BBS9: variants seen among roughly 807,000 people sequenced by gnomAD.
BBS9 encodes the protein protein PTHB1.
In BBS9, 89 loss-of-function variants were observed where a neutral mutation model predicts 117.7. The ratio of observed to expected loss-of-function variants is 0.76; its 90% CI spans 0.64 to 0.90. BBS9 has a LOEUF of 0.90. Ranked by LOEUF, BBS9 falls within the 40% of genes least tolerant of loss-of-function variation. BBS9 has a pLI of 0.00. For missense variants in BBS9, 982 were observed against 1,042.2 expected, an observed-to-expected ratio of 0.94 and a Z score of 0.80; for synonymous variants, 379 against 370.9, an observed-to-expected ratio of 1.02 and a Z score of -0.25.
At chr7:33,527,248 G>A (rs1375345754) in intron 20 of BBS9, among the ~76,000 whole-genome samples, 1 of 152,226 alleles carries the variant, frequency 6.6e-6, no homozygotes, top group Middle Eastern at 3.2e-3. Context: ...GAAGCAGGCA[G>A]GCCTCCTTGA....
chr7:33,156,071 G>A (rs2128115979), intron 4 of BBS9, among the ~76,000 whole-genome samples: 1 of 152,146 alleles, frequency 6.6e-6, no homozygotes, highest in Non-Finnish European at 1.5e-5. Flanking sequence ...AAGTCATAGT[G>A]GTTTGAAGTA....
intron 20 of BBS9, among the ~76,000 whole-genome samples, chr7:33,522,158 T>C (rs1400383164): frequency 6.6e-6 from 1 of 152,134 alleles, no homozygotes; most frequent in Non-Finnish European, 1.5e-5. Flanking sequence ...GTTGGACATT[T>C]GGGTTGGTTC....
intron 21 of BBS9, among the ~76,000 whole-genome samples, chr7:33,628,036 T>A (rs998961556): frequency 1.1e-4 from 17 of 152,114 alleles, no homozygotes; most frequent in Non-Finnish European, 2.1e-4. Context: ...AAAATTAAAC[T>A]TGTAATTTAA....
At chr7:33,384,013 A>G (rs374544271) in intron 18 of BBS9, among the ~76,000 whole-genome samples, 175 bp downstream of exon 18, 62 of 152,198 alleles carry the variant, frequency 4.1e-4, no homozygotes, top group Middle Eastern at 3.2e-3. Flanking sequence ...TTTGTGATCA[A>G]TTACAGACAT....
intron 21 of BBS9, among the ~76,000 whole-genome samples, chr7:33,566,298 A>AC (rs1554540053): frequency 2.0e-5 from 3 of 151,796 alleles, no homozygotes; most frequent in Non-Finnish European, 2.9e-5. Flanking sequence ...TTTGAAAGAT[A>AC]TGCATGTAAT....
intron 19 of BBS9, among the ~76,000 whole-genome samples, chr7:33,480,112 A>C (rs539574559): frequency 6.6e-6 from 1 of 152,314 alleles, no homozygotes; most frequent in African/African-American, 2.4e-5. Context: ...AGCAATGCTC[A>C]GTAAGGAGGA....
At chr7:33,384,862 G>A (rs1563098021) in intron 18 of BBS9, among the ~76,000 whole-genome samples, 2 of 151,986 alleles carry the variant, frequency 1.3e-5, no homozygotes, top group South Asian at 4.1e-4. Context: ...GTATACAATC[G>A]AATTATGAAT....
At chr7:33,309,859 T>G (rs999510536) in intron 9 of BBS9, among the ~76,000 whole-genome samples, 1 of 151,924 alleles carries the variant, frequency 6.6e-6, no homozygotes, top group African/African-American at 2.4e-5. Flanking sequence ...TCTCAGGGAG[T>G]TAGTGGAGCA....
chr7:33,511,364 A>G (rs2129025890), intron 20 of BBS9, among the ~76,000 whole-genome samples: 1 of 152,244 alleles, frequency 6.6e-6, no homozygotes, highest in Non-Finnish European at 1.5e-5. Context: ...CTGTTCTAAT[A>G]TTCATTTATG....
At chr7:33,506,519 G>A (rs1846175749) in intron 20 of BBS9, among the ~76,000 whole-genome samples, 1 of 152,136 alleles carries the variant, frequency 6.6e-6, no homozygotes, top group African/African-American at 2.4e-5. Context: ...TTAAACATGG[G>A]CCAGTGAGGT....
At chr7:33,264,248 A>T in intron 6 of BBS9, 42 bp from the exon 7 acceptor site, 1 of 1,039,142 alleles carries the variant, frequency 9.6e-7, no homozygotes, top group Non-Finnish European at 1.3e-6. Flanking sequence ...ATAATTTTTA[A>T]TTATAAACTC....
At chr7:33,522,960 A>C (rs1398331630) in intron 20 of BBS9, among the ~76,000 whole-genome samples, 12,000 of 93,508 alleles carry the variant, frequency 0.13, 35 homozygotes, top group African/African-American at 0.19. Context: ...TCAGCTTTCT[A>C]CATATGGCTA....
At chr7:33,542,504 C>G (rs1389498857) in intron 21 of BBS9, among the ~76,000 whole-genome samples, 1 of 152,062 alleles carries the variant, frequency 6.6e-6, no homozygotes, top group Admixed American at 6.6e-5. Flanking sequence ...CCTCAAGTCC[C>G]CAGAGTCCAT....
chr7:33,273,245 A>G, intron 8 of BBS9, 50 bp downstream of exon 8: 1 of 1,585,132 alleles, frequency 6.3e-7, no homozygotes, highest in South Asian at 1.1e-5. Flanking sequence ...AGGCTATGTG[A>G]TATACACCAG....
At chr7:33,415,315 A>G (rs1375799933) in intron 19 of BBS9, among the ~76,000 whole-genome samples, 1 of 152,196 alleles carries the variant, frequency 6.6e-6, no homozygotes, top group African/African-American at 2.4e-5. Flanking sequence ...AGTTTTCCCC[A>G]TATTCCTTGA....
At chr7:33,350,807 A>G (rs1224627371) in intron 13 of BBS9, among the ~76,000 whole-genome samples, 1 of 152,030 alleles carries the variant, frequency 6.6e-6, no homozygotes, top group Admixed American at 6.6e-5. Context: ...GCAGTGGAGC[A>G]ATCTCGGTTC....
At chr7:33,505,392 TGCCAGACATAATTTGTTGAGG>T (rs1846008756) in intron 19 of BBS9, 50 bp from the exon 20 acceptor site, 1 of 1,463,250 alleles carries the variant, frequency 6.8e-7, no homozygotes, top group African/African-American at 1.4e-5. Context: ...AACAAAAGTG[TGCCAGACATAATTTGTTGAGG>T]GCTCAATAAT....
intron 5 of BBS9, among the ~76,000 whole-genome samples, chr7:33,202,174 A>G (rs1020696165): frequency 6.6e-6 from 1 of 152,122 alleles, no homozygotes; most frequent in Non-Finnish European, 1.5e-5. Flanking sequence ...ATTTCCTACA[A>G]TTTCATTTTC....
rs114087285 is a variant in BBS9, at chr7:33,333,863, C to T, written c.1017-2578C>T. ...CTGACCTCAAGCGATCCACCTGCCT[C>T]GGCTTTCCAAAATGCTGAGATTACA... On this transcript the variant is annotated intron_variant, in intron 9 of 22. Coordinates refer to ENST00000242067, the MANE Select transcript of BBS9 (RefSeq NM_198428.3). Among the ~76,000 whole-genome samples the T allele has an allele frequency of 1.7e-3, 264 of 152,284 alleles. 3 individuals are homozygous for T. Among genetic ancestry groups the T allele is most frequent in the African/African-American group, 6.2e-3 (258 of 41,558 alleles).
Sources: allele counts gnomAD v4.1 joint callset (sites outside exome capture counted in the v4.1 genomes callset), GRCh38; gene constraint gnomAD v4.1.1; transcripts MANE v1.5; gene names NCBI Gene and HGNC (gene_info 2026-07-23, HGNC 2026-07-21).